The following ANKDD1B variants were observed in gnomAD, a reference collection of about 807,000 sequenced individuals.
The protein encoded by ANKDD1B is ankyrin repeat and death domain containing 1B, also known as ankyrin repeat and death domain-containing protein 1B.
ANKDD1B carries 57 observed loss-of-function variants against 59.7 expected under a neutral mutation model. The observed-to-expected ratio is 0.95, with a 90% CI of 0.77 to 1.19. The LOEUF (loss-of-function observed/expected upper bound fraction) is 1.19, where lower values mean the gene tolerates loss of function less well. Among genes scored for constraint, ANKDD1B ranks in the 50% most tolerant of loss-of-function variants. The pLI is 0.00. For missense variants in ANKDD1B, 602 were observed against 641.9 expected (o/e 0.94, Z 0.67); for synonymous variants, 216 against 239.5 (o/e 0.90, Z 0.91).
Position 75,658,402 on chromosome 5 carries a change from C to A in ANKDD1B, c.997-881C>A, listed in dbSNP as rs144117199. On this transcript the variant is annotated intron_variant, in intron 9 of 13. Transcript: ENST00000601380. ...CTCTCTGCCCTAATATTTTAGAAAT[C>A]TCTTCACATCTGCATTCCTTTTGGT... 1.7e-3 allele frequency among the ~76,000 whole-genome samples: 253 copies of A among 152,236 alleles called. 1 individual carries two copies. Among genetic ancestry groups the A allele is most frequent in the Middle Eastern group, 3.4e-3 (1 of 294 alleles).
At chr5:75,669,071 T>C (rs1775397119) in intron 12 of ANKDD1B, among the ~76,000 whole-genome samples, 181 bp from the exon 13 acceptor site, 1 of 152,144 alleles carries the variant, frequency 6.6e-6, no homozygotes, top group Non-Finnish European at 1.5e-5. Context: ...TAGCACAGGC[T>C]GGAGGGAAAG....
intron 13 of ANKDD1B, 139 bp downstream of exon 13, chr5:75,669,522 G>A: frequency 1.4e-6 from 1 of 729,544 alleles, no homozygotes; most frequent in Admixed American, 4.4e-5. Context: ...CTATGGAAGG[G>A]GCTTGTAAGC....
At chr5:75,667,182 A>T (rs1775333421) in intron 12 of ANKDD1B, among the ~76,000 whole-genome samples, 189 bp downstream of exon 12, 1 of 152,254 alleles carries the variant, frequency 6.6e-6, no homozygotes, top group Non-Finnish European at 1.5e-5. Context: ...GCAGAAAGTG[A>T]ACACTCATGG....
intron 10 of ANKDD1B, among the ~76,000 whole-genome samples, chr5:75,662,474 C>T (rs949372641): frequency 3.3e-5 from 5 of 152,092 alleles, no homozygotes; most frequent in African/African-American, 1.2e-4. Flanking sequence ...CATAAGGGTT[C>T]CTAAGATTGG....
At chr5:75,639,817 T>C (rs1487896440) in intron 7 of ANKDD1B, among the ~76,000 whole-genome samples, 1 of 152,172 alleles carries the variant, frequency 6.6e-6, no homozygotes, top group Non-Finnish European at 1.5e-5. Flanking sequence ...AGCTCCTTCT[T>C]TTTCCTCTAT....
At chr5:75,653,061 T>C in intron 7 of ANKDD1B, 81 bp from the exon 8 acceptor site, 1 of 941,382 alleles carries the variant, frequency 1.1e-6, no homozygotes, top group Non-Finnish European at 1.7e-6. Flanking sequence ...TTGTATTAAC[T>C]GATTACCATG....
rs558240706 is a variant in ANKDD1B, at chr5:75,670,517, G to T, written c.1526-462G>T. Among the ~76,000 whole-genome samples, 114 of 149,424 alleles carry T rather than the reference G, an allele frequency of 7.6e-4. No individual in the cohort carries two copies. The South Asian group carries it at 0.011, about 14-fold the overall frequency. Reference sequence around the variant, plus strand: ...ACTATTCTGATGTTAGTTCTGTTTAGAAATAACTCCAAGAAGTTTGTATAT... The same window carrying T: ...ACTATTCTGATGTTAGTTCTGTTTATAAATAACTCCAAGAAGTTTGTATAT... On this transcript the variant is annotated intron_variant, in intron 13 of 13. Coordinates refer to ENST00000601380, the MANE Select transcript of ANKDD1B (RefSeq NM_001276713.2).
chr5:75,670,527 CAAG>C (rs138718763), intron 13 of ANKDD1B, among the ~76,000 whole-genome samples: 18,558 of 152,076 alleles, frequency 0.12, 1,459 homozygotes, highest in African/African-American at 0.22. Flanking sequence ...GAAATAACTC[CAAG>C]AAGTTTGTAT....
intron 9 of ANKDD1B, among the ~76,000 whole-genome samples, chr5:75,657,502 A>G (rs1252495739): frequency 1.3e-5 from 2 of 152,064 alleles, no homozygotes; most frequent in African/African-American, 4.8e-5. Context: ...GATACATTCC[A>G]TTTTCATCTG....
At chr5:75,667,912 T>C (rs932294304) in intron 12 of ANKDD1B, among the ~76,000 whole-genome samples, 5 of 152,310 alleles carry the variant, frequency 3.3e-5, no homozygotes, top group Middle Eastern at 3.4e-3. Flanking sequence ...TGAGACTTTG[T>C]ATTGCACATT....
intron 9 of ANKDD1B, among the ~76,000 whole-genome samples, chr5:75,656,425 C>G (rs374586425): frequency 1.3e-5 from 2 of 152,124 alleles, no homozygotes; most frequent in African/African-American, 4.8e-5. Flanking sequence ...GCCAGAGGCT[C>G]TTTAAATCAA....
intron 5 of ANKDD1B, among the ~76,000 whole-genome samples, chr5:75,628,486 C>G (rs1581134665): frequency 1.3e-5 from 2 of 152,300 alleles, no homozygotes; most frequent in South Asian, 4.1e-4. Context: ...CCATTTGCAT[C>G]TGCTTAAAGG....
intron 7 of ANKDD1B, among the ~76,000 whole-genome samples, chr5:75,639,574 T>G (rs1020255913): frequency 1.3e-5 from 2 of 152,126 alleles, no homozygotes; most frequent in African/African-American, 4.8e-5. Flanking sequence ...CCCACCTTGT[T>G]GGAATGGGAA....
intron 7 of ANKDD1B, among the ~76,000 whole-genome samples, chr5:75,639,760 T>G (rs1774414601): frequency 6.6e-6 from 1 of 152,210 alleles, no homozygotes; most frequent in African/African-American, 2.4e-5. Context: ...TTTTAGGAAA[T>G]TCTACATGAG....
At chr5:75,641,598 C>G (rs1774462990) in intron 7 of ANKDD1B, among the ~76,000 whole-genome samples, 1 of 152,162 alleles carries the variant, frequency 6.6e-6, no homozygotes. Flanking sequence ...ATATATGCTG[C>G]TCTGCACCTT....
In ANKDD1B at chr5:75,623,411, C is replaced by T. The variant is rs148843881; in HGVS notation, c.397-2236C>T. 9.2e-5 allele frequency among the ~76,000 whole-genome samples: 14 copies of T among 152,122 alleles called. No homozygotes were observed. In the East Asian group the frequency reaches 1.2e-3, roughly 13 times the overall value. On this transcript the variant is annotated intron_variant, in intron 3 of 13. Transcript: ENST00000601380. Reference sequence around the variant, plus strand: ...AGATTTAGTATTACTAAATATAGAGCGCTGACTTGTAGGGAACTCCAAATT... The same window carrying T: ...AGATTTAGTATTACTAAATATAGAGTGCTGACTTGTAGGGAACTCCAAATT...
intron 3 of ANKDD1B, among the ~76,000 whole-genome samples, chr5:75,624,811 T>C (rs1400447314): frequency 1.3e-5 from 2 of 152,216 alleles, no homozygotes; most frequent in African/African-American, 4.8e-5. Context: ...TATATACATA[T>C]ACATGTATGG....
At chr5:75,643,203 A>G (rs1399750798) in intron 7 of ANKDD1B, among the ~76,000 whole-genome samples, 2 of 86,764 alleles carry the variant, frequency 2.3e-5, no homozygotes, top group Non-Finnish European at 3.8e-5. Context: ...TCCTCCTCCA[A>G]AGGAATGCAG....
intron 7 of ANKDD1B, among the ~76,000 whole-genome samples, chr5:75,648,453 A>C (rs1229404053): frequency 6.6e-6 from 1 of 151,768 alleles, no homozygotes; most frequent in Admixed American, 6.6e-5. Flanking sequence ...TATTTTGTAC[A>C]CTGCCTTACC....
Sources: gnomAD v4.1 joint callset for allele counts (sites outside exome capture counted in the v4.1 genomes callset) on GRCh38, gnomAD v4.1.1 for gene constraint, MANE v1.5 for transcripts, NCBI Gene and HGNC (gene_info 2026-07-23, HGNC 2026-07-21) for gene names.